CARD8: variants seen among roughly 807,000 people sequenced by gnomAD.
The protein encoded by CARD8 is caspase recruitment domain-containing protein 8.
Under a neutral mutation model 53.2 loss-of-function variants are expected in CARD8, and 38 were observed. The ratio of observed to expected loss-of-function variants is 0.71; its 90% CI spans 0.55 to 0.94. CARD8 has a LOEUF of 0.94. CARD8 is among the 40% of genes least tolerant of loss of function. The pLI is 0.00. For synonymous variants in CARD8, 245 were observed against 244.9 expected (o/e 1.00, Z 0.00); for missense variants, 561 against 655.5 (o/e 0.86, Z 1.57).
chr19:48,228,833 G>A (rs898687940), intron 10 of CARD8, among the ~76,000 whole-genome samples: 4 of 152,256 alleles, frequency 2.6e-5, no homozygotes, highest in Admixed American at 2.0e-4. Context: ...GTTAAGTAGT[G>A]TCCTTGTGTA....
chr19:48,231,594 C>A (rs1420583086), intron 8 of CARD8, 66 bp downstream of exon 8: 1 of 1,480,884 alleles, frequency 6.8e-7, no homozygotes, highest in Non-Finnish European at 9.1e-7. Flanking sequence ...TGAGCCACCA[C>A]GCCTGGCCTA....
Position 48,234,389 on chromosome 19 carries a change from A to G in CARD8, c.350+14T>C. The G allele has an allele frequency of 6.2e-7, 1 of 1,604,052 alleles. No homozygotes were observed. The highest frequency in any genetic ancestry group is 8.5e-7 in the Non-Finnish European group (1 of 1,176,360). On this transcript the variant is annotated intron_variant, in intron 6 of 13. Coordinates refer to ENST00000651546, the MANE Select transcript of CARD8 (RefSeq NM_001184900.3). ...CAGCGTCCAATAGTTTTCCAACGGA[A>G]TAGCTTTTCTTACCTGGGAATGTCC...
rs372857065 is a variant in CARD8, at chr19:48,218,857, G to A, written c.1303+14C>T. ...ATCCCTGTCTAAAAATGCCAGCCTC[G>A]CCCACTCACCTACCTGGCTTCACCT... is the stretch of plus-strand genomic sequence containing the variant. On this transcript the variant is annotated intron_variant, in intron 12 of 13. Transcript: ENST00000651546. 88 of 1,613,166 alleles carry A rather than the reference G, an allele frequency of 5.5e-5. No homozygotes were observed. The highest frequency in any genetic ancestry group is 3.3e-5 in the South Asian group (3 of 91,014).
chr19:48,246,884 C>T (rs565970265), intron 3 of CARD8, among the ~76,000 whole-genome samples: 1 of 152,274 alleles, frequency 6.6e-6, no homozygotes, highest in African/African-American at 2.4e-5. Context: ...ATATGGATGG[C>T]AACTTTATGG....
chr19:48,243,992 C>G (rs906495265), intron 3 of CARD8, among the ~76,000 whole-genome samples: 2 of 152,140 alleles, frequency 1.3e-5, no homozygotes, highest in Admixed American at 1.3e-4. Context: ...AAGCATCTCT[C>G]ACTTTAGTTA....
chr19:48,242,613 C>T (rs1171045364), intron 3 of CARD8: 4 of 152,228 alleles, frequency 2.6e-5, no homozygotes, highest in Admixed American at 6.5e-5. Flanking sequence ...ATTCAGCAGA[C>T]GATAGACATT....
In CARD8 at chr19:48,231,736, A is replaced by C. The variant is rs770943930; in HGVS notation, c.466T>G (p.Tyr156Asp). 6.2e-7 allele frequency: 1 copy of C among 1,613,738 alleles called. No homozygotes were observed. Among genetic ancestry groups the C allele is most frequent in the South Asian group, 1.1e-5 (1 of 91,036 alleles). ...SKVCFEIEED[Y>D]KNRQFLGPEG... is the part of the protein sequence containing the mutation. ...GGCCCCAGAAACTGACGATTTTTAT[A>C]ATCTTCTTCGATCTCAAAACAGACT... is the stretch of plus-strand genomic sequence containing the variant. Residue 156 changes from tyrosine (Y) to aspartate (D), a missense_variant, in exon 8 of 14, where the codon TAT (tyrosine) becomes GAT (aspartate). Coordinates refer to ENST00000651546, the MANE Select transcript of CARD8 (RefSeq NM_001184900.3).
At chr19:48,223,053 C>A (rs1243573898) in intron 10 of CARD8, among the ~76,000 whole-genome samples, 1 of 152,080 alleles carries the variant, frequency 6.6e-6, no homozygotes, top group Non-Finnish European at 1.5e-5. Flanking sequence ...CCTGTAATCC[C>A]AGCACTTTGG....
At chr19:48,220,875 C>T (rs773384794) in intron 11 of CARD8, among the ~76,000 whole-genome samples, 9 of 150,730 alleles carry the variant, frequency 6.0e-5, no homozygotes, top group Non-Finnish European at 1.3e-4. Flanking sequence ...CACACCACTG[C>T]ACTCCAGCTT....
At chr19:48,254,764 G>A (rs2047375364) in intron 1 of CARD8, among the ~76,000 whole-genome samples, 1 of 152,132 alleles carries the variant, frequency 6.6e-6, no homozygotes, top group African/African-American at 2.4e-5. Context: ...AATAGAGCCA[G>A]GAAGGCCATG....
chr19:48,217,318 A>G (rs1343370379), intron 12 of CARD8, among the ~76,000 whole-genome samples: 1 of 152,144 alleles, frequency 6.6e-6, no homozygotes, highest in Non-Finnish European at 1.5e-5. Flanking sequence ...AAACTACTAA[A>G]ATACAACAGC....
intron 6 of CARD8, 190 bp downstream of exon 6, chr19:48,234,213 C>T (rs2043440976): frequency 1.7e-6 from 1 of 573,486 alleles, no homozygotes; most frequent in Non-Finnish European, 3.0e-6. Flanking sequence ...CTCTAGACAC[C>T]TCCATGGAAG....
downstream of CARD8, chr19:48,204,154 C>A (rs1168433081): frequency 2.2e-6 from 1 of 455,188 alleles, no homozygotes; most frequent in Admixed American, 2.4e-5. Context: ...GGTGAGGAGG[C>A]GGACGCGGGA....
intron 11 of CARD8, among the ~76,000 whole-genome samples, chr19:48,221,418 T>C: frequency 6.6e-6 from 1 of 152,142 alleles, no homozygotes; most frequent in Non-Finnish European, 1.5e-5. Flanking sequence ...AAATACATAT[T>C]AAGTGCGTTA....
intron 3 of CARD8, among the ~76,000 whole-genome samples, chr19:48,247,672 C>T (rs1972619): frequency 0.16 from 24,406 of 150,956 alleles, 2,071 homozygotes; most frequent in East Asian, 0.33. Context: ...ATAAAGTAAA[C>T]AAATGGTTTA....
Position 48,221,922 on chromosome 19 carries a change from G to C in CARD8, c.1036-67C>G, listed in dbSNP as rs978868419. 5.8e-6 allele frequency: 8 copies of C among 1,388,492 alleles called. No homozygotes were observed. In the African/African-American group the frequency reaches 1.0e-4, roughly 17 times the overall value. 86.0% of individuals were successfully genotyped at this position (1,388,492 alleles called of 1,614,324 possible). ...AGTAAAGCAAGTAGTGGCATAAAAA[G>C]TTATTTATATGGTATATTAAGTAGC... On this transcript the variant is annotated intron_variant, in intron 10 of 13. Transcript: ENST00000651546.
rs1452648779 is a variant in CARD8, at chr19:48,210,144, A to T, written c.*1566T>A. Reference sequence around the variant, plus strand: ...GAAAAATGACACACTACATACAGGGAAACAACAATTTGAATGACTGCAGAT... The same window carrying T: ...GAAAAATGACACACTACATACAGGGTAACAACAATTTGAATGACTGCAGAT... On this transcript the variant is annotated 3_prime_UTR_variant, in exon 14 of 14. Coordinates refer to ENST00000651546, the MANE Select transcript of CARD8 (RefSeq NM_001184900.3). 1 of 152,196 alleles carries T rather than the reference A, an allele frequency of 6.6e-6. No individual in the cohort carries two copies. The highest frequency in any genetic ancestry group is 1.5e-5 in the Non-Finnish European group (1 of 68,030). The allele number at this position is 152,196 out of a possible 1,614,324, so 9.4% of individuals were successfully genotyped here. A position where few individuals can be genotyped will look rare whatever the true frequency, so the allele number is the denominator to read the frequency against.
At chr19:48,229,384 C>G (rs1427967475) in intron 10 of CARD8, among the ~76,000 whole-genome samples, 1 of 152,184 alleles carries the variant, frequency 6.6e-6, no homozygotes, top group Non-Finnish European at 1.5e-5. Context: ...AGAATGAAAA[C>G]AGAAGTTATG....
At chr19:48,207,709 T>A (rs561284027), downstream of CARD8, among the ~76,000 whole-genome samples, 225 of 149,320 alleles carry the variant, frequency 1.5e-3, 1 homozygote, top group Non-Finnish European at 2.6e-3. Context: ...CTAATGAACT[T>A]CTTCTTTTTT....
Sources: gnomAD v4.1 joint callset for allele counts (sites outside exome capture counted in the v4.1 genomes callset) on GRCh38, gnomAD v4.1.1 for gene constraint, MANE v1.5 for transcripts, NCBI Gene and HGNC (gene_info 2026-07-23, HGNC 2026-07-21) for gene names.